NDST3: variants seen among roughly 807,000 people sequenced by gnomAD.
NDST3 encodes the protein N-deacetylase and N-sulfotransferase 3.
NDST3 carries 58 observed loss-of-function variants against 96.1 expected under a neutral mutation model. That is an observed-to-expected ratio of 0.60 (90% CI 0.49 to 0.75). The LOEUF (loss-of-function observed/expected upper bound fraction) is 0.75. Ranked by LOEUF, NDST3 falls within the 30% of genes least tolerant of loss-of-function variation. NDST3 has a pLI of 0.00. For missense variants in NDST3, 788 were observed against 1,034.2 expected, an observed-to-expected ratio of 0.76 and a Z score of 3.27; for synonymous variants, 333 against 359.7, an observed-to-expected ratio of 0.93 and a Z score of 0.84.
intron 6 of NDST3, among the ~76,000 whole-genome samples, chr4:118,196,116 C>A (rs1435443455): frequency 1.3e-5 from 2 of 152,158 alleles, no homozygotes; most frequent in Non-Finnish European, 2.9e-5. Context: ...ACGGATTTGT[C>A]CATCATTCTA....
chr4:118,075,669 T>A (rs1727464347), intron 2 of NDST3, among the ~76,000 whole-genome samples: 1 of 152,236 alleles, frequency 6.6e-6, no homozygotes. Context: ...CATTTTTTCA[T>A]GTGTCTGTTG....
rs553974683 is a variant in NDST3, at chr4:118,208,570, G to T, written c.1540-15921G>T. ...AAAATTTCTTATTTCAATCAAAACA[G>T]ATGTGGCTTGCATAGGCCCAGTCAA... On this transcript the variant is annotated intron_variant, in intron 6 of 13. Transcript: ENST00000296499. Among the ~76,000 whole-genome samples the T allele has an allele frequency of 1.0e-3, 149 of 144,470 alleles. 24 individuals are homozygous for T. Among genetic ancestry groups the T allele is most frequent in the Middle Eastern group, 7.1e-3 (2 of 280 alleles). 94.8% of individuals were successfully genotyped at this position (144,470 alleles called of 152,430 possible).
intron 2 of NDST3, among the ~76,000 whole-genome samples, chr4:118,062,373 T>C (rs182308413): frequency 8.3e-4 from 126 of 152,258 alleles, no homozygotes; most frequent in Non-Finnish European, 1.2e-3. Context: ...TTTTTGGTAA[T>C]AGAATGTCCA....
At chr4:118,208,152 A>G (rs1362355094) in intron 6 of NDST3, among the ~76,000 whole-genome samples, 1 of 144,522 alleles carries the variant, frequency 6.9e-6, no homozygotes, top group East Asian at 2.0e-4. Flanking sequence ...AAGCAATAAC[A>G]AAAAATAATA....
intron 4 of NDST3, among the ~76,000 whole-genome samples, chr4:118,134,534 A>G (rs1400436388): frequency 6.6e-6 from 1 of 152,208 alleles, no homozygotes; most frequent in African/African-American, 2.4e-5. Context: ...TAAATTTAAG[A>G]TATATACCAG....
intron 5 of NDST3, among the ~76,000 whole-genome samples, chr4:118,138,714 A>G (rs565743033): frequency 2.6e-5 from 4 of 152,328 alleles, no homozygotes; most frequent in African/African-American, 9.6e-5. Context: ...ATTAACATAT[A>G]ATAATATAGA....
intron 2 of NDST3, among the ~76,000 whole-genome samples, chr4:118,056,656 A>T (rs1399502434): frequency 6.6e-6 from 1 of 151,942 alleles, no homozygotes; most frequent in Non-Finnish European, 1.5e-5. Context: ...ACTTTTTGGA[A>T]CTTACAGATA....
At chr4:118,236,405 G>C (rs1024901762) in intron 9 of NDST3, among the ~76,000 whole-genome samples, 1 of 151,942 alleles carries the variant, frequency 6.6e-6, no homozygotes, top group Admixed American at 6.6e-5. Context: ...CATGACCTTG[G>C]GAAATTTGTT....
intron 6 of NDST3, among the ~76,000 whole-genome samples, chr4:118,163,184 T>A (rs1204097900): frequency 6.6e-6 from 1 of 152,118 alleles, no homozygotes; most frequent in Non-Finnish European, 1.5e-5. Context: ...ATTGTGGAAG[T>A]CAATGTGGCA....
At chr4:118,197,373 G>A (rs942521788) in intron 6 of NDST3, among the ~76,000 whole-genome samples, 7 of 152,084 alleles carry the variant, frequency 4.6e-5, no homozygotes, top group Non-Finnish European at 7.4e-5. Flanking sequence ...TTGATTTTCT[G>A]TCTAGAAGAT....
chr4:118,149,803 G>A (rs982431456), intron 6 of NDST3, among the ~76,000 whole-genome samples: 16 of 152,168 alleles, frequency 1.1e-4, no homozygotes, highest in Non-Finnish European at 2.1e-4. Flanking sequence ...TTGAATAGGA[G>A]TGGTGAAAGA....
intron 6 of NDST3, among the ~76,000 whole-genome samples, chr4:118,183,510 T>A (rs144405324): frequency 5.3e-5 from 8 of 152,262 alleles, no homozygotes; most frequent in African/African-American, 1.9e-4. Flanking sequence ...CCATGAATCA[T>A]CTCACTAGTA....
chr4:118,157,014 A>G (rs1734753316), intron 6 of NDST3, among the ~76,000 whole-genome samples: 1 of 152,194 alleles, frequency 6.6e-6, no homozygotes, highest in South Asian at 2.1e-4. Context: ...CCATTTTTTC[A>G]GTTATTCATT....
intron 6 of NDST3, among the ~76,000 whole-genome samples, chr4:118,146,877 ACTACTTTTC>A (rs1293918818): frequency 1.3e-5 from 2 of 152,180 alleles, no homozygotes; most frequent in Non-Finnish European, 2.9e-5. Context: ...TTTTTCTAAT[ACTACTTTTC>A]CTGATTCTAA....
intron 2 of NDST3, among the ~76,000 whole-genome samples, chr4:118,102,663 T>C (rs1050663063): frequency 3.3e-5 from 5 of 152,134 alleles, no homozygotes; most frequent in African/African-American, 1.2e-4. Context: ...TGCTGGGTAC[T>C]TAAGCTTTTT....
chr4:118,220,193 C>T (rs866072977), intron 6 of NDST3, among the ~76,000 whole-genome samples: 5 of 151,942 alleles, frequency 3.3e-5, no homozygotes, highest in Admixed American at 6.6e-5. Flanking sequence ...ATAGCAGACA[C>T]GTGGAACCAA....
intron 12 of NDST3, among the ~76,000 whole-genome samples, chr4:118,249,940 C>T (rs1332120793): frequency 2.0e-5 from 3 of 152,176 alleles, no homozygotes; most frequent in African/African-American, 7.2e-5. Context: ...GTAGTCAACA[C>T]TTTCTACTCA....
intron 4 of NDST3, among the ~76,000 whole-genome samples, chr4:118,129,933 A>G (rs946526449): frequency 6.6e-6 from 1 of 152,080 alleles, no homozygotes; most frequent in South Asian, 2.1e-4. Context: ...TTATCATTAT[A>G]TAGTGACCTT....
intron 6 of NDST3, among the ~76,000 whole-genome samples, chr4:118,215,637 A>G (rs1019204394): frequency 1.3e-5 from 2 of 152,100 alleles, no homozygotes; most frequent in African/African-American, 2.4e-5. Flanking sequence ...AGTGGAGAGG[A>G]CTGAAAATAG....
Sources: allele counts gnomAD v4.1 joint callset (sites outside exome capture counted in the v4.1 genomes callset), GRCh38; gene constraint gnomAD v4.1.1; transcripts MANE v1.5; gene names NCBI Gene and HGNC (gene_info 2026-07-23, HGNC 2026-07-21).